DMRTA1: variants seen among roughly 807,000 people sequenced by gnomAD.
DMRTA1 encodes doublesex- and mab-3-related transcription factor A1.
Under a neutral mutation model 35.2 loss-of-function variants are expected in DMRTA1, and 34 were observed. The observed-to-expected ratio is 0.97, with a 90% CI of 0.74 to 1.29. The LOEUF is 1.29. DMRTA1 is among the 50% of genes most tolerant of loss of function. DMRTA1 has a pLI of 0.00. For missense variants in DMRTA1, 824 were observed against 644.6 expected (o/e 1.28, Z -3.01); for synonymous variants, 344 against 276.6 (o/e 1.24, Z -2.42).
rs1404660872 is a variant in DMRTA1, at chr9:22,455,716, G to A, written c.*3805G>A. On this transcript the variant is annotated 3_prime_UTR_variant, in exon 2 of 2. Coordinates refer to ENST00000325870, the MANE Select transcript of DMRTA1 (RefSeq NM_022160.3). Reference sequence around the variant, plus strand: ...ATTTGGATTATTTTCAGGGCTTTCTGAAGAAAATAAACATCGAAATCATAG... The same window carrying A: ...ATTTGGATTATTTTCAGGGCTTTCTAAAGAAAATAAACATCGAAATCATAG... 2 of 152,140 alleles carry A rather than the reference G, an allele frequency of 1.3e-5. No individual in the cohort carries two copies. The highest frequency in any genetic ancestry group is 2.9e-5 in the Non-Finnish European group (2 of 68,020). 9.4% of individuals were successfully genotyped at this position (152,140 alleles called of 1,614,324 possible).
At chr9:22,450,034 T>C (rs1297114351) in intron 1 of DMRTA1, among the ~76,000 whole-genome samples, 1 of 152,100 alleles carries the variant, frequency 6.6e-6, no homozygotes, top group Non-Finnish European at 1.5e-5. Context: ...TAATAGAAAA[T>C]GTAAACCAAA....
At chr9:22,449,182 T>G (rs1818885812) in intron 1 of DMRTA1, among the ~76,000 whole-genome samples, 1 of 152,226 alleles carries the variant, frequency 6.6e-6, no homozygotes, top group Non-Finnish European at 1.5e-5. Flanking sequence ...CTGGTTCTCT[T>G]ACACAATAGC....
In DMRTA1 at chr9:22,447,406, G is replaced by A; in HGVS notation, c.341G>A (p.Arg114His). 1 of 1,553,642 alleles carries A rather than the reference G, an allele frequency of 6.4e-7. No homozygotes were observed. Among genetic ancestry groups the A allele is most frequent in the East Asian group, 2.5e-5 (1 of 40,644 alleles). The change falls in exon 1 of 2, where the codon CGC becomes CAC. Residue 114 changes from arginine (R) to histidine (H), a missense_variant. By Grantham distance (29) the Arg-to-His change is conservative. Transcript: ENST00000325870. ...GVVSALKGHK[R>H]FCRWRDCACA... The stretch of plus-strand genomic sequence containing the variant: ...GTGTCAGCGCTCAAGGGCCACAAGC[G>A]CTTCTGCCGCTGGCGGGACTGCGCG...
At position 22,452,165 on chromosome 9, in the gene DMRTA1, T is replaced by G; in HGVS notation, c.*254T>G. The G allele has an allele frequency of 3.1e-6, 1 of 322,678 alleles. No homozygotes were observed. Among genetic ancestry groups the G allele is most frequent in the East Asian group, 5.4e-5 (1 of 18,664 alleles). The allele number at this position is 322,678 out of a possible 1,614,324, so 20.0% of individuals were successfully genotyped here. On this transcript the variant is annotated 3_prime_UTR_variant, in exon 2 of 2. Coordinates refer to ENST00000325870, the MANE Select transcript of DMRTA1 (RefSeq NM_022160.3). ...TTGAATAAAGCTATTTCAGGAAATA[T>G]TTAATGAATTTTCTCCCTAAATTAT...
At position 22,453,082 on chromosome 9, in the gene DMRTA1, C is replaced by T. The variant is rs1022700407; in HGVS notation, c.*1171C>T. 4 of 152,056 alleles carry T rather than the reference C, an allele frequency of 2.6e-5. No homozygotes were observed. Among genetic ancestry groups the T allele is most frequent in the Non-Finnish European group, 5.9e-5 (4 of 67,968 alleles). The allele number at this position is 152,056 out of a possible 1,614,324, so 9.4% of individuals were successfully genotyped here. A position where few individuals can be genotyped will look rare whatever the true frequency, so the allele number is the denominator to read the frequency against. On this transcript the variant is annotated 3_prime_UTR_variant, in exon 2 of 2. Coordinates refer to ENST00000325870, the MANE Select transcript of DMRTA1 (RefSeq NM_022160.3). ...CAGTGGAAAGTCCCTGAGGAAACTG[C>T]TTACAAAACAGTTTCTAGGACATTT...
In DMRTA1 at chr9:22,453,194, A is replaced by G. The variant is rs1406820689; in HGVS notation, c.*1283A>G. On this transcript the variant is annotated 3_prime_UTR_variant, in exon 2 of 2. Transcript: ENST00000325870. Reference sequence around the variant, plus strand: ...TAAATGGAAGCCCACTGGTGGTAAAAGATAGTTGATGAATTAGAGATTGTT... The same window carrying G: ...TAAATGGAAGCCCACTGGTGGTAAAGGATAGTTGATGAATTAGAGATTGTT... 1 of 152,070 alleles carries G rather than the reference A, an allele frequency of 6.6e-6. No individual in the cohort carries two copies. The highest frequency in any genetic ancestry group is 2.4e-5 in the African/African-American group (1 of 41,448). 9.4% of individuals were successfully genotyped at this position (152,070 alleles called of 1,614,324 possible).
At chr9:22,447,788 C>G in intron 1 of DMRTA1, 56 bp downstream of exon 1, 2 of 1,600,464 alleles carry the variant, frequency 1.2e-6, no homozygotes, top group Non-Finnish European at 1.7e-6. Flanking sequence ...TGGAAAGAAA[C>G]TCTGAAACAA....
At chr9:22,450,233 T>C (rs886065183) in intron 1 of DMRTA1, among the ~76,000 whole-genome samples, 7 of 152,166 alleles carry the variant, frequency 4.6e-5, no homozygotes, top group African/African-American at 1.7e-4. Flanking sequence ...AGCAAATGCC[T>C]AATATGTTGT....
At position 22,451,407 on chromosome 9, in the gene DMRTA1, C is replaced by G; in HGVS notation, c.1011C>G (p.Phe337Leu). The G allele has an allele frequency of 6.2e-7, 1 of 1,614,132 alleles. No homozygotes were observed. Among genetic ancestry groups the G allele is most frequent in the Non-Finnish European group, 8.5e-7 (1 of 1,179,992 alleles). ...CTCTTGATATCCTTACTAAGATTTT[C>G]CCAAATTACAGGCGCAGCCGGCTAG... ...RDPLDILTKI[F>L]PNYRRSRLEG... Residue 337 changes from phenylalanine to leucine, a missense_variant, in exon 2 of 2, where the codon TTC becomes TTG. Phe to Leu is a conservative substitution (Grantham distance 22, BLOSUM62 0). Coordinates refer to ENST00000325870, the MANE Select transcript of DMRTA1 (RefSeq NM_022160.3).
intron 1 of DMRTA1, among the ~76,000 whole-genome samples, chr9:22,448,088 G>T (rs918793491): frequency 6.6e-6 from 1 of 152,158 alleles, no homozygotes; most frequent in Admixed American, 6.5e-5. Flanking sequence ...GAAAAGCTTC[G>T]TAAGAGGTGC....
rs192712090 is a variant in DMRTA1, at chr9:22,449,381, G to A, written c.667+1649G>A. Among the ~76,000 whole-genome samples the A allele has an allele frequency of 2.4e-3, 370 of 152,284 alleles. 1 individual carries two copies. The highest frequency in any genetic ancestry group is 8.5e-3 in the African/African-American group (354 of 41,574). On this transcript the variant is annotated intron_variant, in intron 1 of 1. Coordinates refer to ENST00000325870, the MANE Select transcript of DMRTA1 (RefSeq NM_022160.3). The stretch of plus-strand genomic sequence containing the variant: ...GATAAATGCAATAGAAGTAAAGCAA[G>A]CTGTAGGACTTGAGAAGACAGAGAG...
Position 22,447,428 on chromosome 9 carries a change from C to A in DMRTA1, c.363C>A (p.Cys121Ter). Residue 121 changes from cysteine to a stop codon, truncating the protein, a stop_gained, in exon 1 of 2, where the codon TGC becomes TGA. Transcript: ENST00000325870. LOFTEE classifies it high-confidence loss of function. ...GHKRFCRWRD[C>*]ACAKCTLIAE... Reference sequence around the variant, plus strand: ...AGCGCTTCTGCCGCTGGCGGGACTGCGCGTGTGCCAAGTGCACCCTGATCG... The same window carrying A: ...AGCGCTTCTGCCGCTGGCGGGACTGAGCGTGTGCCAAGTGCACCCTGATCG... 6.4e-7 allele frequency: 1 copy of A among 1,552,664 alleles called. No individual in the cohort carries two copies. Among genetic ancestry groups the A allele is most frequent in the Non-Finnish European group, 8.7e-7 (1 of 1,150,050 alleles).
chr9:22,447,438 A>G lies in DMRTA1; in HGVS notation c.373A>G (p.Lys125Glu). ...CCGCTGGCGGGACTGCGCGTGTGCC[A>G]AGTGCACCCTGATCGCCGAGCGCCA... ...FCRWRDCACA[K>E]CTLIAERQRV... Residue 125 changes from lysine to glutamate, a missense_variant, in exon 1 of 2, where the codon AAG (lysine) becomes GAG (glutamate). Coordinates refer to ENST00000325870, the MANE Select transcript of DMRTA1 (RefSeq NM_022160.3). The G allele has an allele frequency of 6.4e-7, 1 of 1,553,372 alleles. No homozygotes were observed.
At position 22,447,509 on chromosome 9, in the gene DMRTA1, G is replaced by A. The variant is rs1215132512; in HGVS notation, c.444G>A (p.Gln148=). 2.5e-6 allele frequency: 4 copies of A among 1,569,532 alleles called. No homozygotes were observed. The highest frequency in any genetic ancestry group is 3.5e-6 in the Non-Finnish European group (4 of 1,158,898). ...TGGCGCTGCGCAGGCAGCAGGCGCAGGAGGAGAGCGAAGCCCGGGGGCTAC... is the reference window on the plus strand; with the variant it reads ...TGGCGCTGCGCAGGCAGCAGGCGCAAGAGGAGAGCGAAGCCCGGGGGCTAC... ...AQVALRRQQA[Q]EESEARGLQR... Residue 148 remains glutamine, a synonymous_variant, in exon 1 of 2, where the codon CAG becomes CAA. Coordinates refer to ENST00000325870, the MANE Select transcript of DMRTA1 (RefSeq NM_022160.3).
In DMRTA1 at chr9:22,452,115, A is replaced by C; in HGVS notation, c.*204A>C. 2.0e-6 allele frequency: 1 copy of C among 503,358 alleles called. No individual in the cohort carries two copies. Among genetic ancestry groups the C allele is most frequent in the Non-Finnish European group, 3.3e-6 (1 of 299,512 alleles). The allele number at this position is 503,358 out of a possible 1,614,324, so 31.2% of individuals were successfully genotyped here. On this transcript the variant is annotated 3_prime_UTR_variant, in exon 2 of 2. Coordinates refer to ENST00000325870, the MANE Select transcript of DMRTA1 (RefSeq NM_022160.3). Reference sequence around the variant, plus strand: ...TCATTAGGATTTATCAAGTGAAAGAAGTAAATCTGAACATTATATGTGCCT... The same window carrying C: ...TCATTAGGATTTATCAAGTGAAAGACGTAAATCTGAACATTATATGTGCCT...
chr9:22,451,991 T>C lies in DMRTA1; in HGVS notation c.*80T>C. 6.5e-7 allele frequency: 1 copy of C among 1,527,320 alleles called. No individual in the cohort carries two copies. The highest frequency in any genetic ancestry group is 8.8e-7 in the Non-Finnish European group (1 of 1,130,812). 94.6% of individuals were successfully genotyped at this position (1,527,320 alleles called of 1,614,324 possible). ...TGCACACACATACACACACATCCATTAATATACTTCAGTAAGTATGTGAGT... is the reference window on the plus strand; with the variant it reads ...TGCACACACATACACACACATCCATCAATATACTTCAGTAAGTATGTGAGT... On this transcript the variant is annotated 3_prime_UTR_variant, in exon 2 of 2. Coordinates refer to ENST00000325870, the MANE Select transcript of DMRTA1 (RefSeq NM_022160.3).
At chr9:22,448,996 G>C (rs1818883529) in intron 1 of DMRTA1, among the ~76,000 whole-genome samples, 1 of 152,228 alleles carries the variant, frequency 6.6e-6, no homozygotes, top group Admixed American at 6.5e-5. Context: ...CACCGATAGT[G>C]AAATGGCTGA....
chr9:22,451,322 T>C lies in DMRTA1; in HGVS notation c.926T>C (p.Val309Ala). The change falls in exon 2 of 2, where the codon GTC (valine) becomes GCC (alanine). Residue 309 changes from valine to alanine, a missense_variant. Coordinates refer to ENST00000325870, the MANE Select transcript of DMRTA1 (RefSeq NM_022160.3). ...GAATCAGGAAATGAAAGTGAATGGGTCAAAGACTTGACTGCGACCAAGGCA... is the reference window on the plus strand; with the variant it reads ...GAATCAGGAAATGAAAGTGAATGGGCCAAAGACTTGACTGCGACCAAGGCA... ...DLESGNESEWVKDLTATKASL... is the reference protein window; with the variant it reads ...DLESGNESEWAKDLTATKASL... 1.2e-6 allele frequency: 2 copies of C among 1,614,048 alleles called. No homozygotes were observed. The highest frequency in any genetic ancestry group is 2.2e-5 in the South Asian group (2 of 91,068).
chr9:22,447,182 G>A lies in DMRTA1; in HGVS notation c.117G>A (p.Ser39=). The A allele has an allele frequency of 3.8e-6, 6 of 1,598,084 alleles. No homozygotes were observed. Among genetic ancestry groups the A allele is most frequent in the Non-Finnish European group, 5.1e-6 (6 of 1,174,126 alleles). ...PPPSPALPVP[S]GMQVPPAFLR... is the part of the protein sequence containing the mutation. Reference sequence around the variant, plus strand: ...CGTCCCCGGCGTTGCCGGTACCATCGGGGATGCAGGTTCCCCCAGCGTTCC... The same window carrying A: ...CGTCCCCGGCGTTGCCGGTACCATCAGGGATGCAGGTTCCCCCAGCGTTCC... The change falls in exon 1 of 2, where the codon TCG becomes TCA. Residue 39 remains serine, a synonymous_variant. Transcript: ENST00000325870.
Sources: allele counts gnomAD v4.1 joint callset (sites outside exome capture counted in the v4.1 genomes callset), GRCh38; gene constraint gnomAD v4.1.1; transcripts MANE v1.5; gene names NCBI Gene and HGNC (gene_info 2026-07-23, HGNC 2026-07-21).